Variants in KARS1 observed in about 807,000 individuals in gnomAD.
The protein encoded by KARS1 is lysyl-tRNA synthetase 1, also known as lysine--tRNA ligase.
KARS1 carries 50 observed loss-of-function variants against 63.9 expected under a neutral mutation model. That is an observed-to-expected ratio of 0.78 (90% CI 0.62 to 0.99). KARS1 has a LOEUF of 0.99. KARS1 is among the 50% of genes least tolerant of loss of function. KARS1 has a pLI of 0.00. For missense variants in KARS1, 816 were observed against 754.5 expected, an observed-to-expected ratio of 1.08 and a Z score of -0.95; for synonymous variants, 320 against 264.6, an observed-to-expected ratio of 1.21 and a Z score of -2.03.
At chr16:75,631,982 G>T in intron 7 of KARS1, 127 bp from the exon 8 acceptor site, 1 of 1,108,248 alleles carries the variant, frequency 9.0e-7, no homozygotes, top group Non-Finnish European at 1.4e-6. Context: ...CCGCCTCCTA[G>T]GTTCAAGCAA....
At chr16:75,641,459 C>G in intron 2 of KARS1, 105 bp downstream of exon 2, 1 of 950,844 alleles carries the variant, frequency 1.1e-6, no homozygotes, top group Non-Finnish European at 1.6e-6. Flanking sequence ...TGGCAGTGAC[C>G]TCAGGCGTAC....
At position 75,631,506 on chromosome 16, in the gene KARS1, T is replaced by C; in HGVS notation, c.1162A>G (p.Thr388Ala). ...PEGQAYDVDF[T>A]PPFRRINMVE... is the part of the protein sequence containing the mutation. ...ATGTTGATTCGCCGGAAGGGTGGGG[T>C]GAAGTCAACATCGTAGGCTTGGCCC... The change falls in exon 9 of 14, where the codon ACC (threonine) becomes GCC (alanine). Residue 388 changes from threonine to alanine, a missense_variant. Thr to Ala is a moderately conservative substitution (Grantham distance 58). Transcript: ENST00000302445. 3 of 1,614,096 alleles carry C rather than the reference T, an allele frequency of 1.9e-6. No individual in the cohort carries two copies. The highest frequency in any genetic ancestry group is 2.5e-6 in the Non-Finnish European group (3 of 1,180,002).
chr16:75,644,508 T>C (rs950245870), intron 1 of KARS1: 8 of 1,385,552 alleles, frequency 5.8e-6, no homozygotes, highest in Admixed American at 2.4e-5. Context: ...ACAGACAGTA[T>C]ACATATACCC....
intron 1 of KARS1, among the ~76,000 whole-genome samples, chr16:75,643,032 G>A (rs780562683): frequency 2.0e-5 from 3 of 152,078 alleles, no homozygotes; most frequent in Non-Finnish European, 4.4e-5. Flanking sequence ...TAAATCACTT[G>A]GTATCCAAAC....
intron 3 of KARS1, among the ~76,000 whole-genome samples, chr16:75,639,554 AGAGTGAGACTATATC>A (rs1454147617): frequency 7.1e-6 from 1 of 140,290 alleles, no homozygotes; most frequent in Non-Finnish European, 1.5e-5. Context: ...CCTGGGAGAC[AGAGTGAGACTATATC>A]TCAAAAAAAA....
chr16:75,630,051 C>T (rs1177505669), intron 11 of KARS1, among the ~76,000 whole-genome samples: 4 of 152,050 alleles, frequency 2.6e-5, no homozygotes, highest in Non-Finnish European at 4.4e-5. Context: ...CTGGACTCTG[C>T]GCTGGCAACA....
At chr16:75,643,188 T>G (rs1030484624) in intron 1 of KARS1, among the ~76,000 whole-genome samples, 1 of 152,108 alleles carries the variant, frequency 6.6e-6, no homozygotes, top group African/African-American at 2.4e-5. Context: ...AGGGATATCT[T>G]TACTATTCAA....
intron 10 of KARS1, 54 bp downstream of exon 10, chr16:75,631,114 G>C (rs1241343659): frequency 2.8e-6 from 4 of 1,422,732 alleles, no homozygotes; most frequent in Non-Finnish European, 3.9e-6. Flanking sequence ...CCAGGGAAGA[G>C]GGAACCATTC....
chr16:75,636,664 T>C, intron 3 of KARS1, 117 bp from the exon 4 acceptor site: 1 of 655,208 alleles, frequency 1.5e-6, no homozygotes. Flanking sequence ...GACAGAGTCT[T>C]GCTCTGTTGC....
In KARS1 at chr16:75,641,648, T is replaced by A; in HGVS notation, c.138A>T (p.Lys46Asn). 6.2e-7 allele frequency: 1 copy of A among 1,613,998 alleles called. No individual in the cohort carries two copies. Among genetic ancestry groups the A allele is most frequent in the Non-Finnish European group, 8.5e-7 (1 of 1,179,972 alleles). ...KEAKQKELSE[K>N]QLSQATAAAT... ...CAGCAGCAGTGGCTTGGCTTAGCTGTTTCTCACTGAGCTCTTTCTGTTTGG... is the reference window on the plus strand; with the variant it reads ...CAGCAGCAGTGGCTTGGCTTAGCTGATTCTCACTGAGCTCTTTCTGTTTGG... The change falls in exon 2 of 14, where the codon AAA becomes AAT. Residue 46 changes from lysine to asparagine, a missense_variant. Coordinates refer to ENST00000302445, the MANE Select transcript of KARS1 (RefSeq NM_005548.3).
intron 7 of KARS1, among the ~76,000 whole-genome samples, chr16:75,632,567 G>A (rs750567795): frequency 5.9e-5 from 9 of 152,200 alleles, no homozygotes; most frequent in Admixed American, 2.6e-4. Flanking sequence ...CCAGTCACAC[G>A]TAGCTTTTAG....
In KARS1 at chr16:75,643,943, G is replaced by C. The variant is rs186050062; in HGVS notation, c.63-2220C>G. ...AAGGATAATCCAAAAAGGTCCTAGG[G>C]ATAGCACTAAGACTAGAAACCAAAT... On this transcript the variant is annotated intron_variant, in intron 1 of 13. Coordinates refer to ENST00000302445, the MANE Select transcript of KARS1 (RefSeq NM_005548.3). Among the ~76,000 whole-genome samples, 4 of 152,244 alleles carry C rather than the reference G, an allele frequency of 2.6e-5. No homozygotes were observed. In the East Asian group the frequency reaches 7.7e-4, roughly 29 times the overall value.
rs527236481 is a variant in KARS1, at chr16:75,627,804, G to A, written c.*91C>T. 9.1e-4 allele frequency: 740 copies of A among 811,432 alleles called. 8 individuals carry two copies. The South Asian group carries it at 9.5e-3, about 10-fold the overall frequency. The allele number at this position is 811,432 out of a possible 1,614,324, so 50.3% of individuals were successfully genotyped here. A position where few individuals can be genotyped will look rare whatever the true frequency, so the allele number is the denominator to read the frequency against. ...GCTGAACAGAACTGCGGTGTCAAAT[G>A]GAAAGCAGCACACAAGAATTCCCTT... is the stretch of plus-strand genomic sequence containing the variant. On this transcript the variant is annotated 3_prime_UTR_variant, in exon 14 of 14. Transcript: ENST00000302445.
At chr16:75,641,939 T>C (rs899577522) in intron 1 of KARS1, among the ~76,000 whole-genome samples, 1 of 152,122 alleles carries the variant, frequency 6.6e-6, no homozygotes, top group Non-Finnish European at 1.5e-5. Context: ...AGAACAAAGA[T>C]GTGAAAAATC....
chr16:75,629,077 G>A (rs2082082015), intron 12 of KARS1: 1 of 466,750 alleles, frequency 2.1e-6, no homozygotes, highest in Non-Finnish European at 3.9e-6. Flanking sequence ...GCAGCCTGTG[G>A]GGGTTCTGTC....
chr16:75,633,204 CG>C (rs1567499914), intron 7 of KARS1, among the ~76,000 whole-genome samples: 1 of 152,182 alleles, frequency 6.6e-6, no homozygotes, highest in Non-Finnish European at 1.5e-5. Flanking sequence ...TGCTCAGGGT[CG>C]GCCGCAATGA....
chr16:75,630,993 T>C (rs559903119), intron 10 of KARS1, among the ~76,000 whole-genome samples, 175 bp downstream of exon 10: 1 of 152,288 alleles, frequency 6.6e-6, no homozygotes, highest in East Asian at 1.9e-4. Flanking sequence ...CATAAATTAT[T>C]TGGCACAGAG....
At chr16:75,641,505 C>T in intron 2 of KARS1, 59 bp downstream of exon 2, 1 of 1,494,094 alleles carries the variant, frequency 6.7e-7, no homozygotes, top group Non-Finnish European at 9.2e-7. Flanking sequence ...AAGAATCTGC[C>T]AGAAGCCTCA....
intron 3 of KARS1, among the ~76,000 whole-genome samples, chr16:75,639,229 G>C (rs891427547): frequency 1.3e-5 from 2 of 152,038 alleles, no homozygotes; most frequent in East Asian, 1.9e-4. Context: ...AAAGATCTCA[G>C]AGCACACTGT....
Sources: gnomAD v4.1 joint callset for allele counts (sites outside exome capture counted in the v4.1 genomes callset) on GRCh38, gnomAD v4.1.1 for gene constraint, MANE v1.5 for transcripts, NCBI Gene and HGNC (gene_info 2026-07-23, HGNC 2026-07-21) for gene names.